NOX3: variants seen among roughly 807,000 people sequenced by gnomAD.
NOX3 encodes the protein NADPH oxidase 3, also known as NADPH oxidase catalytic subunit-like 3.
In NOX3, 74 loss-of-function variants were observed where a neutral mutation model predicts 76.7. That is an observed-to-expected ratio of 0.96 (90% CI 0.80 to 1.17). The LOEUF (loss-of-function observed/expected upper bound fraction) is 1.17. Ranked by LOEUF, NOX3 falls within the 50% of genes most tolerant of loss-of-function variation. NOX3 has a pLI of 0.00. For missense variants in NOX3, 695 were observed against 703.3 expected (o/e 0.99, Z 0.13); for synonymous variants, 263 against 261.1 (o/e 1.01, Z -0.07).
intron 4 of NOX3, among the ~76,000 whole-genome samples, chr6:155,448,382 C>T (rs544771070): frequency 6.6e-5 from 10 of 152,108 alleles, no homozygotes; most frequent in Non-Finnish European, 1.2e-4. Flanking sequence ...ATTAGCTATG[C>T]GGGGGAGCTC....
Position 155,428,799 on chromosome 6 carries a change from C to T in NOX3, c.1140G>A (p.Leu380=), listed in dbSNP as rs1776791827. Residue 380 remains leucine, a synonymous_variant, in exon 9 of 14, where the codon CTG becomes CTA. Coordinates refer to ENST00000159060, the MANE Select transcript of NOX3 (RefSeq NM_015718.3). ...TGAGAGAAATGGGCACGAACCTTGGCAGGCTCCAGGGCTCCTGGAGGGCCT... is the reference window on the plus strand; with the variant it reads ...TGAGAGAAATGGGCACGAACCTTGGTAGGCTCCAGGGCTCCTGGAGGGCCT... ...EGQALQEPWS[L]PRLAVDGPFG... 6.7e-7 allele frequency: 1 copy of T among 1,489,834 alleles called. No homozygotes were observed. The highest frequency in any genetic ancestry group is 9.0e-7 in the Non-Finnish European group (1 of 1,115,928). 92.3% of individuals were successfully genotyped at this position (1,489,834 alleles called of 1,614,324 possible).
chr6:155,450,657 G>C (rs908237851), intron 4 of NOX3, among the ~76,000 whole-genome samples: 4 of 152,122 alleles, frequency 2.6e-5, no homozygotes, highest in African/African-American at 9.7e-5. Flanking sequence ...ATGAGTCCTG[G>C]GCATGGCCAT....
intron 10 of NOX3, among the ~76,000 whole-genome samples, chr6:155,421,779 G>A (rs1180790199): frequency 6.6e-6 from 1 of 152,180 alleles, no homozygotes; most frequent in Non-Finnish European, 1.5e-5. Context: ...ACAGGCATGA[G>A]CTACTGCGCC....
At chr6:155,413,532 A>G (rs1400573845) in intron 10 of NOX3, among the ~76,000 whole-genome samples, 1 of 152,086 alleles carries the variant, frequency 6.6e-6, no homozygotes, top group African/African-American at 2.4e-5. Flanking sequence ...GGAGGAGGAA[A>G]GGAGACCAGT....
intron 13 of NOX3, 75 bp downstream of exon 13, chr6:155,396,734 C>T: frequency 7.9e-7 from 1 of 1,260,262 alleles, no homozygotes; most frequent in Non-Finnish European, 1.1e-6. Flanking sequence ...GTGCATAGAG[C>T]CTAAAATGAT....
At chr6:155,427,764 ATGCT>A (rs1400939351) in intron 9 of NOX3, among the ~76,000 whole-genome samples, 1 of 152,202 alleles carries the variant, frequency 6.6e-6, no homozygotes, top group Non-Finnish European at 1.5e-5. Context: ...TGTGCTTTGC[ATGCT>A]TTTGGGTAAC....
chr6:155,427,013 G>GCGC, intron 9 of NOX3, among the ~76,000 whole-genome samples: 1 of 146,202 alleles, frequency 6.8e-6, no homozygotes, highest in African/African-American at 2.5e-5. Context: ...GTGTGTGTGT[G>GCGC]TGTGTGTGTG....
intron 4 of NOX3, 142 bp downstream of exon 4, chr6:155,453,262 T>C: frequency 1.5e-6 from 1 of 657,894 alleles, no homozygotes; most frequent in Admixed American, 2.3e-5. Flanking sequence ...AAAACCCATT[T>C]GTGTAAGGTT....
rs5881132 is a variant in NOX3 at position 155,400,641 on chromosome 6, CTT to C, written c.1581-3681_1581-3680del. On this transcript the variant is annotated intron_variant, in intron 12 of 13. Coordinates refer to ENST00000159060, the MANE Select transcript of NOX3 (RefSeq NM_015718.3). ...CGCAGATGATAATTGTGCTGGCCAG[CTT>C]TTTTTTTTTTTTTAACCTATCTCCC... Among the ~76,000 whole-genome samples, 1,039 of 145,900 alleles carry C rather than the reference CTT, an allele frequency of 7.1e-3. 5 individuals are homozygous for C. Among genetic ancestry groups the C allele is most frequent in the African/African-American group, 0.016 (627 of 39,672 alleles).
intron 12 of NOX3, among the ~76,000 whole-genome samples, chr6:155,405,255 C>G (rs1311043977): frequency 6.6e-6 from 1 of 152,108 alleles, no homozygotes; most frequent in African/African-American, 2.4e-5. Context: ...TGTACTCTTA[C>G]TGGTGCAATA....
chr6:155,406,158 A>G (rs1043856666), intron 12 of NOX3, among the ~76,000 whole-genome samples: 4 of 152,206 alleles, frequency 2.6e-5, no homozygotes, highest in Non-Finnish European at 4.4e-5. Flanking sequence ...GCCGACTTTT[A>G]AGAGCCGTAG....
rs534715054 is a variant in NOX3, at chr6:155,420,158, G to A, written c.1308+2536C>T. On this transcript the variant is annotated intron_variant, in intron 10 of 13. Coordinates refer to ENST00000159060, the MANE Select transcript of NOX3 (RefSeq NM_015718.3). ...GTGACATAACAGTAGGGCAGCAAAGGAGTGGTGGAGGTTAAGAGAAGGGGG... is the reference window on the plus strand; with the variant it reads ...GTGACATAACAGTAGGGCAGCAAAGAAGTGGTGGAGGTTAAGAGAAGGGGG... 2.0e-5 allele frequency among the ~76,000 whole-genome samples: 3 copies of A among 152,336 alleles called. 1 individual carries two copies. The East Asian group carries it at 5.8e-4, about 29-fold the overall frequency.
rs139342821 is a variant in NOX3, at chr6:155,443,894, A to T, written c.341-476T>A. ...TAATAAATAAAGTAAATCTCAGTTC[A>T]TCATAATTTAAAGTGTATAGTTATC... On this transcript the variant is annotated intron_variant, in intron 4 of 13. Transcript: ENST00000159060. Among the ~76,000 whole-genome samples, 1,500 of 151,924 alleles carry T rather than the reference A, an allele frequency of 9.9e-3. 88 individuals carry two copies. The highest frequency in any genetic ancestry group is 0.089 in the Admixed American group (1,352 of 15,250).
At chr6:155,430,784 T>A (rs1178055055) in intron 8 of NOX3, 59 bp downstream of exon 8, 6 of 1,152,390 alleles carry the variant, frequency 5.2e-6, no homozygotes, top group African/African-American at 1.6e-5. Context: ...AAATTTGGGC[T>A]AATAAAAAAT....
At chr6:155,421,557 G>A (rs1309173676) in intron 10 of NOX3, among the ~76,000 whole-genome samples, 1 of 152,128 alleles carries the variant, frequency 6.6e-6, no homozygotes, top group Non-Finnish European at 1.5e-5. Context: ...ACTGAATGAG[G>A]ATCTTTTCTG....
At chr6:155,405,674 A>G (rs1776447751) in intron 12 of NOX3, among the ~76,000 whole-genome samples, 1 of 152,128 alleles carries the variant, frequency 6.6e-6, no homozygotes, top group Non-Finnish European at 1.5e-5. Context: ...ATTCCACTCT[A>G]TTGAATAGCT....
At chr6:155,407,357 A>G in intron 11 of NOX3, 103 bp from the exon 12 acceptor site, 1 of 1,131,056 alleles carries the variant, frequency 8.8e-7, no homozygotes, top group East Asian at 2.6e-5. Flanking sequence ...TTAATTAAAA[A>G]TGTGTACAGG....
intron 12 of NOX3, among the ~76,000 whole-genome samples, chr6:155,406,661 C>T (rs1776465088): frequency 6.6e-6 from 1 of 152,146 alleles, no homozygotes; most frequent in Non-Finnish European, 1.5e-5. Context: ...GGGTAGATAA[C>T]CTGTCCAAGG....
At position 155,412,652 on chromosome 6, in the gene NOX3, T is replaced by A. The variant is rs527504687; in HGVS notation, c.1309-1292A>T. Among the ~76,000 whole-genome samples, 3 of 152,286 alleles carry A rather than the reference T, an allele frequency of 2.0e-5. No individual in the cohort carries two copies. The South Asian group carries it at 6.2e-4, about 32-fold the overall frequency. On this transcript the variant is annotated intron_variant, in intron 10 of 13. Coordinates refer to ENST00000159060, the MANE Select transcript of NOX3 (RefSeq NM_015718.3). Reference sequence around the variant, plus strand: ...TGCCTTTCCTTTCCTGACACTTATTTCTTCCTAGGGATGATCTCTGCACAG... The same window carrying A: ...TGCCTTTCCTTTCCTGACACTTATTACTTCCTAGGGATGATCTCTGCACAG...
Sources: allele counts gnomAD v4.1 joint callset (sites outside exome capture counted in the v4.1 genomes callset), GRCh38; gene constraint gnomAD v4.1.1; transcripts MANE v1.5; gene names NCBI Gene and HGNC (gene_info 2026-07-23, HGNC 2026-07-21).